Variants in DHX35 observed in about 807,000 individuals in gnomAD.
DHX35 encodes probable ATP-dependent RNA helicase DHX35.
A neutral mutation model predicts 99.6 loss-of-function variants in DHX35; 84 were observed. The ratio of observed to expected loss-of-function variants is 0.84; its 90% CI spans 0.71 to 1.01. The LOEUF (loss-of-function observed/expected upper bound fraction) is 1.01, where lower values mean the gene tolerates loss of function less well. Among genes scored for constraint, DHX35 ranks in the 50% least tolerant of loss-of-function variants. The pLI is 0.00. For synonymous variants in DHX35, 331 were observed against 316.2 expected, an observed-to-expected ratio of 1.05 and a Z score of -0.50; for missense variants, 852 against 888.5, an observed-to-expected ratio of 0.96 and a Z score of 0.52.
chr20:39,035,791 C>T (rs958245155), intron 21 of DHX35, among the ~76,000 whole-genome samples: 10 of 152,204 alleles, frequency 6.6e-5, no homozygotes, highest in South Asian at 2.1e-4. Flanking sequence ...CTCCTCATCT[C>T]TCCTGCTCCA....
intron 7 of DHX35, among the ~76,000 whole-genome samples, chr20:38,994,299 A>G (rs931032933): frequency 1.3e-5 from 2 of 151,932 alleles, no homozygotes; most frequent in Non-Finnish European, 2.9e-5. Flanking sequence ...AAAAAATCTC[A>G]TTGTTATTAT....
At chr20:39,009,975 C>T (rs1448301852) in intron 12 of DHX35, among the ~76,000 whole-genome samples, 1 of 152,114 alleles carries the variant, frequency 6.6e-6, no homozygotes, top group East Asian at 1.9e-4. Flanking sequence ...CAACTGGGAA[C>T]TGATAGTGAT....
chr20:38,978,017 A>C, intron 3 of DHX35: 1 of 720,756 alleles, frequency 1.4e-6, no homozygotes, highest in Non-Finnish European at 2.6e-6. Context: ...GATATACTTA[A>C]GAATTTCACA....
At chr20:39,001,893 T>A (rs765563082) in intron 9 of DHX35, 51 bp downstream of exon 9, 313 of 1,366,558 alleles carry the variant, frequency 2.3e-4, no homozygotes, top group Non-Finnish European at 2.7e-4. Context: ...ACTCAGCCTC[T>A]GATGTAGAAT....
chr20:39,004,893 G>A (rs561095498), intron 11 of DHX35, among the ~76,000 whole-genome samples: 1 of 152,280 alleles, frequency 6.6e-6, no homozygotes, highest in East Asian at 1.9e-4. Flanking sequence ...TCAGCCCCTT[G>A]ACCATTGGGA....
chr20:39,001,837 A>G lies in DHX35; in HGVS notation c.750A>G (p.Leu250=), dbSNP rs144637711. 13 of 1,609,032 alleles carry G rather than the reference A, an allele frequency of 8.1e-6. No homozygotes were observed. In the African/African-American group the frequency reaches 1.6e-4, roughly 20 times the overall value. The change falls in exon 9 of 22, where the codon CTA becomes CTG. Residue 250 remains leucine, a synonymous_variant. Coordinates refer to ENST00000252011, the MANE Select transcript of DHX35 (RefSeq NM_021931.4). The stretch of plus-strand genomic sequence containing the variant: ...CATTTCCGGTGGATATCTTTTATCT[A>G]CAAAGGTTTGATGATGCTTGAATTC... ...GRTFPVDIFY[L]QSPVPDYIKS...
At chr20:39,011,899 G>A (rs1046442159) in intron 13 of DHX35, among the ~76,000 whole-genome samples, 6 of 152,158 alleles carry the variant, frequency 3.9e-5, no homozygotes, top group African/African-American at 1.2e-4. Context: ...CTTACCATAA[G>A]TATAGGGAAA....
intron 6 of DHX35, 48 bp from the exon 7 acceptor site, chr20:38,992,308 T>A (rs376009470): frequency 6.6e-7 from 1 of 1,513,930 alleles, no homozygotes. Context: ...GATGAGATGA[T>A]GTGTGGCTTT....
In DHX35 at chr20:39,014,868, T is replaced by C; in HGVS notation, c.1348-12T>C. 6.2e-7 allele frequency: 1 copy of C among 1,614,200 alleles called. No homozygotes were observed. The highest frequency in any genetic ancestry group is 8.5e-7 in the Non-Finnish European group (1 of 1,180,020). On this transcript the variant is annotated splice_polypyrimidine_tract_variant and intron_variant, in intron 13 of 21. Transcript: ENST00000252011. ...ATAAATTGATTCAGGAAGATTTTTA[T>C]GTTTTTTCCAGCCCCCTCCAGCACA...
Position 39,004,300 on chromosome 20 carries a change from T to C in DHX35, c.1011+393T>C, listed in dbSNP as rs185778106. 6.1e-3 allele frequency among the ~76,000 whole-genome samples: 923 copies of C among 152,214 alleles called. 2 individuals carry two copies. Among genetic ancestry groups the C allele is most frequent in the Non-Finnish European group, 9.6e-3 (652 of 68,008 alleles). ...CAGGATGGTCTCGATCTCCTGACCT[T>C]GTGATCCGCCCACCTTGGCCTCCCA... On this transcript the variant is annotated intron_variant, in intron 11 of 21. Transcript: ENST00000252011.
At chr20:39,002,214 A>G (rs1437349420) in intron 9 of DHX35, among the ~76,000 whole-genome samples, 1 of 152,214 alleles carries the variant, frequency 6.6e-6, no homozygotes, top group Non-Finnish European at 1.5e-5. Flanking sequence ...CCCTAGCGAG[A>G]AGGCCCAGTT....
intron 3 of DHX35, among the ~76,000 whole-genome samples, chr20:38,980,126 A>G (rs1412715358): frequency 6.6e-6 from 1 of 152,102 alleles, no homozygotes; most frequent in Non-Finnish European, 1.5e-5. Context: ...TAAGCATGCC[A>G]TAGAAGTCTG....
chr20:39,003,655 G>T, intron 10 of DHX35, 94 bp from the exon 11 acceptor site: 14 of 1,462,144 alleles, frequency 9.6e-6, no homozygotes, highest in Non-Finnish European at 1.3e-5. Context: ...CAAAATTAAA[G>T]TCCAGATCCC....
chr20:38,991,952 CT>C (rs2086345145), intron 6 of DHX35, among the ~76,000 whole-genome samples: 2 of 152,206 alleles, frequency 1.3e-5, no homozygotes, highest in Admixed American at 6.5e-5. Flanking sequence ...ATTTGACCCC[CT>C]GGCCCACGTG....
chr20:38,976,356 G>GTGTA (rs550611877), intron 3 of DHX35, among the ~76,000 whole-genome samples: 83 of 149,272 alleles, frequency 5.6e-4, no homozygotes, highest in African/African-American at 1.9e-3. Flanking sequence ...GTGTGTGTGT[G>GTGTA]TATGCACATA....
chr20:38,972,342 C>T (rs564756856), intron 2 of DHX35, among the ~76,000 whole-genome samples: 102 of 152,076 alleles, frequency 6.7e-4, no homozygotes, highest in African/African-American at 2.3e-3. Flanking sequence ...ATGTAAAGGG[C>T]GTATGCATTA....
chr20:38,985,199 A>G (rs893220190), intron 4 of DHX35, among the ~76,000 whole-genome samples: 1 of 152,122 alleles, frequency 6.6e-6, no homozygotes, highest in Non-Finnish European at 1.5e-5. Context: ...CCTGGGCAAC[A>G]TAGCAAGACC....
Position 39,038,525 on chromosome 20 carries a change from C to T in DHX35, c.2094C>T (p.Ala698=), listed in dbSNP as rs2087193507. The change falls in exon 22 of 22, where the codon GCC becomes GCT. Residue 698 remains alanine (A), a synonymous_variant. Transcript: ENST00000252011. ...ACCTGTCTCTGAAAGCCAAAAGGGC[C>T]AAGGTCCAGGACCCGTGAGAGGAGC... ...GTHLSLKAKR[A]KVQDP 3.1e-6 allele frequency: 5 copies of T among 1,613,104 alleles called. No homozygotes were observed. Among genetic ancestry groups the T allele is most frequent in the South Asian group, 1.1e-5 (1 of 91,078 alleles).
intron 13 of DHX35, among the ~76,000 whole-genome samples, chr20:39,011,659 C>G (rs1008626418): frequency 1.3e-5 from 2 of 152,162 alleles, no homozygotes; most frequent in African/African-American, 4.8e-5. Context: ...TATTCTTGCC[C>G]TTATGAAGTA....
Sources: allele counts gnomAD v4.1 joint callset (sites outside exome capture counted in the v4.1 genomes callset), GRCh38; gene constraint gnomAD v4.1.1; transcripts MANE v1.5; gene names NCBI Gene and HGNC (gene_info 2026-07-23, HGNC 2026-07-21).